Variants in KRABD5 observed in about 807,000 individuals in gnomAD.
KRABD5 encodes KRAB domain-containing protein 5.
At chr16:31,752,603 C>G in the KRABD5 span, among the ~76,000 whole-genome samples, 21 of 152,122 alleles carry the variant, frequency 1.4e-4, no homozygotes, top group African/African-American at 4.3e-4. Flanking sequence ...GGTTCAGTTG[C>G]TGGTTTCATC....
the KRABD5 span, among the ~76,000 whole-genome samples, chr16:31,731,195 CT>C: frequency 6.6e-6 from 1 of 152,158 alleles, no homozygotes; most frequent in African/African-American, 2.4e-5. Flanking sequence ...GAAATAAATA[CT>C]TTCTTCTTTC....
chr16:31,754,158 A>C, the KRABD5 span: 1 of 694,352 alleles, frequency 1.4e-6, no homozygotes, highest in Non-Finnish European at 2.6e-6. Context: ...AAACCAATTA[A>C]AATATAGAAC....
chr16:31,735,102 CTCTTTCTTTCTTTTTT>C, the KRABD5 span, among the ~76,000 whole-genome samples: 6 of 150,226 alleles, frequency 4.0e-5, no homozygotes, highest in East Asian at 9.7e-4. Flanking sequence ...TTCTTTCTCT[CTCTTTCTTTCTTTTTT>C]TCTTTCTTTC....
At chr16:31,750,869 C>T in the KRABD5 span, among the ~76,000 whole-genome samples, 3 of 152,144 alleles carry the variant, frequency 2.0e-5, no homozygotes, top group Admixed American at 6.5e-5. Context: ...AAATTATTCT[C>T]ATGCCTCAGT....
chr16:31,733,821 G>T, the KRABD5 span, among the ~76,000 whole-genome samples: 2 of 152,152 alleles, frequency 1.3e-5, no homozygotes, highest in African/African-American at 4.8e-5. Flanking sequence ...TTGCTTCCAG[G>T]TATTGTCTTT....
the KRABD5 span, among the ~76,000 whole-genome samples, chr16:31,725,992 T>C: frequency 1.5e-4 from 23 of 152,342 alleles, no homozygotes; most frequent in African/African-American, 5.5e-4. Context: ...CCGCTTGTTT[T>C]TGTTTTTGTT....
the KRABD5 span, among the ~76,000 whole-genome samples, chr16:31,716,746 C>T: frequency 6.6e-6 from 1 of 152,210 alleles, no homozygotes; most frequent in African/African-American, 2.4e-5. Context: ...AATCTAGCGC[C>T]TGCTGGAATT....
the KRABD5 span, among the ~76,000 whole-genome samples, chr16:31,750,295 G>T: frequency 6.6e-6 from 1 of 152,100 alleles, no homozygotes; most frequent in Non-Finnish European, 1.5e-5. Flanking sequence ...CTTTGTGTGT[G>T]TGGCTATTGT....
the KRABD5 span, among the ~76,000 whole-genome samples, chr16:31,737,970 A>G: frequency 3.3e-5 from 5 of 152,086 alleles, no homozygotes; most frequent in Admixed American, 2.6e-4. Context: ...AGTGTGTTTG[A>G]GAGTTTATTT....
At chr16:31,723,266 G>C in the KRABD5 span, 1 of 1,613,700 alleles carries the variant, frequency 6.2e-7, no homozygotes, top group Middle Eastern at 1.6e-4. Flanking sequence ...AGGTCTCGCT[G>C]TCTCTAAGCC....
chr16:31,745,051 T>A, the KRABD5 span, among the ~76,000 whole-genome samples: 1 of 152,162 alleles, frequency 6.6e-6, no homozygotes, highest in Admixed American at 6.6e-5. Context: ...TCTATTTTGT[T>A]AGCTTTTTCA....
At chr16:31,735,178 A>T in the KRABD5 span, among the ~76,000 whole-genome samples, 1 of 151,350 alleles carries the variant, frequency 6.6e-6, no homozygotes. Flanking sequence ...ATCTTTCTGT[A>T]TATGGCTTAT....
At chr16:31,733,308 A>G in the KRABD5 span, among the ~76,000 whole-genome samples, 1 of 151,922 alleles carries the variant, frequency 6.6e-6, no homozygotes, top group East Asian at 1.9e-4. Context: ...TATTGTTTGG[A>G]TCTATATAAT....
chr16:31,757,174 T>A, the KRABD5 span: 28 of 152,270 alleles, frequency 1.8e-4, no homozygotes, highest in African/African-American at 5.5e-4. Flanking sequence ...TTTGTAAAAT[T>A]TAATGGTGCT....
the KRABD5 span, chr16:31,713,499 C>G: frequency 3.8e-6 from 6 of 1,566,190 alleles, no homozygotes; most frequent in East Asian, 1.2e-4. Flanking sequence ...GGCGGGAACC[C>G]TCTTTGAGGT....
the KRABD5 span, chr16:31,757,466 TAAAC>T: frequency 1.3e-5 from 2 of 152,100 alleles, no homozygotes; most frequent in African/African-American, 4.8e-5. Context: ...ACTCTGTCTA[TAAAC>T]AAACAAATTA....
chr16:31,728,907 A>G, the KRABD5 span, among the ~76,000 whole-genome samples: 38 of 152,116 alleles, frequency 2.5e-4, 1 homozygote, highest in Non-Finnish European at 5.9e-5. Context: ...ATTTCTGTAT[A>G]TTTCTCCTTC....
At chr16:31,733,534 A>C in the KRABD5 span, 1 of 456,236 alleles carries the variant, frequency 2.2e-6, no homozygotes, top group Non-Finnish European at 4.4e-6. Flanking sequence ...TACCCATTAA[A>C]CAACAAATTG....
the KRABD5 span, among the ~76,000 whole-genome samples, chr16:31,729,664 T>C: frequency 1.3e-5 from 2 of 152,242 alleles, no homozygotes; most frequent in African/African-American, 4.8e-5. Context: ...ATGTAATTAT[T>C]GATAGGTAAC....
Sources: allele counts gnomAD v4.1 joint callset (sites outside exome capture counted in the v4.1 genomes callset), GRCh38; gene constraint gnomAD v4.1.1; transcripts MANE v1.5; gene names NCBI Gene and HGNC (gene_info 2026-07-23, HGNC 2026-07-21).